The following CEP112 variants were observed in gnomAD, a reference collection of about 807,000 sequenced individuals.
CEP112 encodes the protein centrosomal protein 112, also known as centrosomal protein of 112 kDa.
A neutral mutation model predicts 153.0 loss-of-function variants in CEP112; 127 were observed. That is an observed-to-expected ratio of 0.83 (90% confidence interval 0.72 to 0.96). CEP112 has a LOEUF of 0.96. Ranked by LOEUF, CEP112 falls within the 40% of genes least tolerant of loss-of-function variation. The pLI is 0.00. For missense variants in CEP112, 1,089 were observed against 1,101.2 expected, an observed-to-expected ratio of 0.99 and a Z score of 0.16; for synonymous variants, 358 against 374.4, an observed-to-expected ratio of 0.96 and a Z score of 0.51.
chr17:65,898,108 T>C (rs1199972391), intron 20 of CEP112, among the ~76,000 whole-genome samples: 1 of 152,128 alleles, frequency 6.6e-6, no homozygotes. Context: ...TTATTTTAAG[T>C]GTATGTTTAT....
chr17:65,897,565 T>C (rs2059699596), intron 20 of CEP112, among the ~76,000 whole-genome samples: 1 of 152,114 alleles, frequency 6.6e-6, no homozygotes, highest in Admixed American at 6.6e-5. Context: ...AAAGACACTT[T>C]GTAAGTATTC....
chr17:65,939,802 G>A (rs1483442952), intron 18 of CEP112, among the ~76,000 whole-genome samples: 1 of 152,140 alleles, frequency 6.6e-6, no homozygotes, highest in South Asian at 2.1e-4. Flanking sequence ...AAAATACAGG[G>A]AGAAAGCTTC....
At chr17:65,638,933 G>A (rs1164047723) in intron 25 of CEP112, among the ~76,000 whole-genome samples, 2 of 152,012 alleles carry the variant, frequency 1.3e-5, no homozygotes, top group African/African-American at 2.4e-5. Context: ...CTCCTCTGAA[G>A]GCGTCAGGTC....
intron 4 of CEP112, among the ~76,000 whole-genome samples, chr17:66,160,736 C>T (rs759403648): frequency 4.6e-5 from 7 of 152,072 alleles, no homozygotes; most frequent in Non-Finnish European, 7.4e-5. Context: ...CATAAAAACC[C>T]TAGAAGAAAA....
intron 8 of CEP112, among the ~76,000 whole-genome samples, chr17:66,095,798 G>A (rs2068319183): frequency 6.6e-6 from 1 of 152,148 alleles, no homozygotes; most frequent in African/African-American, 2.4e-5. Flanking sequence ...TTGTCCAGGT[G>A]TGGTGGCTCA....
At chr17:65,993,808 T>C (rs1283371259) in intron 17 of CEP112, among the ~76,000 whole-genome samples, 1 of 152,108 alleles carries the variant, frequency 6.6e-6, no homozygotes, top group Non-Finnish European at 1.5e-5. Context: ...GTGAAAATAG[T>C]GGCTGCTCTT....
intron 20 of CEP112, among the ~76,000 whole-genome samples, chr17:65,865,853 G>A (rs893181065): frequency 6.6e-6 from 1 of 152,218 alleles, no homozygotes; most frequent in Non-Finnish European, 1.5e-5. Context: ...TGACAGTGGC[G>A]GAGCAGCACG....
At chr17:66,168,429 A>AT (rs1253420276) in intron 4 of CEP112, among the ~76,000 whole-genome samples, 5 of 150,400 alleles carry the variant, frequency 3.3e-5, no homozygotes, top group Admixed American at 2.7e-4. Flanking sequence ...GTGTGTATAT[A>AT]TATGTATATA....
chr17:65,864,913 A>AGTGTGTGTGT (rs6146121), intron 20 of CEP112, among the ~76,000 whole-genome samples: 1 of 144,504 alleles, frequency 6.9e-6, no homozygotes, highest in African/African-American at 2.6e-5. Context: ...GGGGTAAGCA[A>AGTGTGTGTGT]GTGTGTGTGT....
chr17:65,682,690 G>A (rs907516628), intron 24 of CEP112, among the ~76,000 whole-genome samples: 4 of 151,878 alleles, frequency 2.6e-5, no homozygotes, highest in African/African-American at 9.7e-5. Context: ...GAACTTTCTG[G>A]TCTTGTTTTC....
At chr17:65,866,570 G>A (rs900842708) in intron 20 of CEP112, among the ~76,000 whole-genome samples, 1 of 152,108 alleles carries the variant, frequency 6.6e-6, no homozygotes, top group African/African-American at 2.4e-5. Context: ...GCTTTTTCTC[G>A]GCCTGCCATA....
At chr17:65,638,922 A>C (rs1002576439) in intron 25 of CEP112, among the ~76,000 whole-genome samples, 1 of 151,312 alleles carries the variant, frequency 6.6e-6, no homozygotes, top group Non-Finnish European at 1.5e-5. Context: ...TCCTAAAAAA[A>C]CTCCTCTGAA....
chr17:65,845,977 T>G (rs532817110), intron 21 of CEP112, among the ~76,000 whole-genome samples: 12 of 152,326 alleles, frequency 7.9e-5, no homozygotes, highest in Admixed American at 5.2e-4. Context: ...TTTATAACCT[T>G]AACATCGTAA....
At chr17:66,012,469 T>C (rs2064575719) in intron 16 of CEP112, among the ~76,000 whole-genome samples, 1 of 152,226 alleles carries the variant, frequency 6.6e-6, no homozygotes, top group African/African-American at 2.4e-5. Context: ...AAGGATCTTA[T>C]TTCTCCTTTG....
At chr17:66,054,483 G>A (rs1409864483) in intron 11 of CEP112, among the ~76,000 whole-genome samples, 2 of 152,168 alleles carry the variant, frequency 1.3e-5, no homozygotes, top group East Asian at 3.8e-4. Flanking sequence ...AAATCATTAT[G>A]TATATACTGT....
At chr17:65,694,142 G>T (rs1249244847) in intron 23 of CEP112, among the ~76,000 whole-genome samples, 1 of 152,188 alleles carries the variant, frequency 6.6e-6, no homozygotes, top group Non-Finnish European at 1.5e-5. Context: ...AGACAGAGGT[G>T]CAAATGCGGA....
At chr17:66,165,784 T>C (rs2071929388) in intron 4 of CEP112, among the ~76,000 whole-genome samples, 2 of 152,188 alleles carry the variant, frequency 1.3e-5, no homozygotes, top group Non-Finnish European at 2.9e-5. Context: ...GCTAGCTATA[T>C]TGGGGTAAGA....
intron 12 of CEP112, among the ~76,000 whole-genome samples, chr17:66,031,053 T>C (rs1199636211): frequency 6.6e-6 from 1 of 152,244 alleles, no homozygotes; most frequent in African/African-American, 2.4e-5. Flanking sequence ...GCATGGTTTA[T>C]AGACTAACTT....
intron 17 of CEP112, 129 bp downstream of exon 17, chr17:66,005,561 G>T: frequency 8.8e-7 from 1 of 1,139,770 alleles, no homozygotes; most frequent in South Asian, 1.9e-5. Context: ...ATTTGTGATG[G>T]GAAACTGATG....
Sources: allele counts gnomAD v4.1 joint callset (sites outside exome capture counted in the v4.1 genomes callset), GRCh38; gene constraint gnomAD v4.1.1; transcripts MANE v1.5; gene names NCBI Gene and HGNC (gene_info 2026-07-23, HGNC 2026-07-21).